Variants in ADGRG4 observed in about 807,000 individuals in gnomAD.
ADGRG4 encodes adhesion G protein-coupled receptor G4, also known as G protein-coupled receptor 112.
ADGRG4 carries 122 observed loss-of-function variants against 126.2 expected under a neutral mutation model. That is an observed-to-expected ratio of 0.97 (90% CI 0.83 to 1.12). The LOEUF (loss-of-function observed/expected upper bound fraction) is 1.12. Ranked by LOEUF, ADGRG4 falls within the 50% of genes most tolerant of loss-of-function variation. The pLI is 0.00. For missense variants in ADGRG4, 2,481 were observed against 2,251.8 expected, an observed-to-expected ratio of 1.10 and a Z score of -2.06; for synonymous variants, 943 against 838.7, an observed-to-expected ratio of 1.12 and a Z score of -2.15.
intron 5 of ADGRG4, among the ~76,000 whole-genome samples, chrX:136,334,038 T>G (rs1218187479): frequency 9.0e-6 from 1 of 111,289 alleles, no homozygotes; most frequent in African/African-American, 3.3e-5. Flanking sequence ...AGTCAATTTT[T>G]GCATAAGATG....
At position 136,342,921 on chromosome X, in the gene ADGRG4, T is replaced by TGTGTGAGA. The variant is rs1251871214; in HGVS notation, c.686-1470_686-1469insTGTGAGAG. Among the ~76,000 whole-genome samples the TGTGTGAGA allele has an allele frequency of 3.5e-3, 296 of 84,295 alleles. 1 individual carries two copies. The highest frequency in any genetic ancestry group is 0.013 in the African/African-American group (277 of 21,171). The allele number at this position is 84,295 out of a possible 115,157, so 73.2% of individuals were successfully genotyped here. A position where few individuals can be genotyped will look rare whatever the true frequency, so the allele number is the denominator to read the frequency against. On this transcript the variant is annotated intron_variant, in intron 5 of 25. Transcript: ENST00000394143. ...GTGTGTGTGTGTGTGTGTGTGTGTG[T>TGTGTGAGA]GAGAGAGAGAGAGGAAGGGGATCAG... is the stretch of plus-strand genomic sequence containing the variant.
At chrX:136,393,996 A>G (rs2075333717) in intron 18 of ADGRG4, among the ~76,000 whole-genome samples, 1 of 111,803 alleles carries the variant, frequency 8.9e-6, no homozygotes, top group African/African-American at 3.2e-5. Context: ...GAACTGTTTG[A>G]AGAAAGTTGA....
chrX:136,407,202 G>T (rs1053473848), intron 23 of ADGRG4, among the ~76,000 whole-genome samples: 13 of 110,293 alleles, frequency 1.2e-4, no homozygotes, highest in African/African-American at 4.3e-4. Context: ...CCATACTGAA[G>T]CCCACTGATG....
At chrX:136,390,299 G>T (rs1303465166) in intron 16 of ADGRG4, among the ~76,000 whole-genome samples, 1 of 111,529 alleles carries the variant, frequency 9.0e-6, no homozygotes, top group Non-Finnish European at 1.9e-5. Flanking sequence ...CCATCCTCCT[G>T]TCTCTGCCTC....
chrX:136,357,562 T>C (rs2075102061), intron 9 of ADGRG4, 142 bp from the exon 10 acceptor site: 1 of 441,548 alleles, frequency 2.3e-6, no homozygotes, highest in Admixed American at 3.6e-5. Flanking sequence ...TGCATTGATG[T>C]TTTTGAGGGT....
chrX:136,348,149 C>T lies in ADGRG4; in HGVS notation c.4443C>T (p.Leu1481=), dbSNP rs2075032447. 2.5e-6 allele frequency: 3 copies of T among 1,209,669 alleles called. No homozygotes were observed. Among genetic ancestry groups the T allele is most frequent in the African/African-American group, 3.5e-5 (2 of 57,674 alleles). The change falls in exon 6 of 26, where the codon CTC becomes CTT. Residue 1481 remains leucine (L), a synonymous_variant. Coordinates refer to ENST00000394143, the MANE Select transcript of ADGRG4 (RefSeq NM_153834.4). ...TATATAATGACGGTTTTACAGTTCT[C>T]TCCGACAGGATCACTACAGCCTTTT... ...AGLYNDGFTV[L]SDRITTAFSV...
At chrX:136,352,973 C>T (rs1290372516) in intron 7 of ADGRG4, among the ~76,000 whole-genome samples, 1 of 111,786 alleles carries the variant, frequency 8.9e-6, no homozygotes, top group Non-Finnish European at 1.9e-5. Flanking sequence ...TAACTGTGTC[C>T]TCACATGGAC....
chrX:136,324,121 A>G (rs1318920889), intron 5 of ADGRG4, among the ~76,000 whole-genome samples: 1 of 111,775 alleles, frequency 8.9e-6, no homozygotes, highest in East Asian at 2.8e-4. Flanking sequence ...ATTATTCATA[A>G]TAACTTTGAT....
chrX:136,385,822 T>G (rs985240673), intron 15 of ADGRG4, among the ~76,000 whole-genome samples: 1 of 112,158 alleles, frequency 8.9e-6, no homozygotes, highest in Admixed American at 9.5e-5. Context: ...TCTCAGTTAA[T>G]TCCTTTATTC....
chrX:136,322,910 C>A lies in ADGRG4; in HGVS notation c.203C>A (p.Ser68Ter). Reference sequence around the variant, plus strand: ...GATCTGGTATTCATGGATGACAACTCAAGGTATTGGATGGCCTTCTCTTAT... The same window carrying A: ...GATCTGGTATTCATGGATGACAACTAAAGGTATTGGATGGCCTTCTCTTAT... ...CIDLVFMDDN[S>*]RYWMAFSYIT... The change falls in exon 5 of 26, where the codon TCA (serine) becomes TAA (stop). Residue 68 changes from serine to a stop codon, truncating the protein, a stop_gained. Coordinates refer to ENST00000394143, the MANE Select transcript of ADGRG4 (RefSeq NM_153834.4). LOFTEE classifies it high-confidence loss of function. 8.3e-7 allele frequency: 1 copy of A among 1,211,620 alleles called. No individual in the cohort carries two copies. Among genetic ancestry groups the A allele is most frequent in the African/African-American group, 1.7e-5 (1 of 57,827 alleles).
chrX:136,340,643 G>A (rs1480001309), intron 5 of ADGRG4, among the ~76,000 whole-genome samples: 1 of 111,002 alleles, frequency 9.0e-6, no homozygotes, highest in Non-Finnish European at 1.9e-5. Flanking sequence ...TCCTCAGATT[G>A]GGGTGTTTCC....
chrX:136,352,431 T>G (rs768890429), intron 7 of ADGRG4, among the ~76,000 whole-genome samples: 1 of 110,276 alleles, frequency 9.1e-6, no homozygotes, highest in East Asian at 2.8e-4. Flanking sequence ...TTTGAGAGGT[T>G]GAGGCAAAAG....
At chrX:136,334,963 C>T (rs1326725027) in intron 5 of ADGRG4, among the ~76,000 whole-genome samples, 4 of 111,133 alleles carry the variant, frequency 3.6e-5, no homozygotes, top group Non-Finnish European at 7.6e-5. Context: ...TTGCCTTGTT[C>T]CTGATCTTAG....
chrX:136,378,071 GA>G (rs2075238839), intron 15 of ADGRG4, among the ~76,000 whole-genome samples: 1 of 110,871 alleles, frequency 9.0e-6, no homozygotes, highest in Non-Finnish European at 1.9e-5. Flanking sequence ...AATTTTGGGA[GA>G]ATTTATTTCT....
intron 20 of ADGRG4, among the ~76,000 whole-genome samples, chrX:136,398,826 A>G (rs1256194652): frequency 8.9e-6 from 1 of 112,266 alleles, no homozygotes; most frequent in African/African-American, 3.2e-5. Context: ...GATATGTACA[A>G]TAATATTTAT....
intron 22 of ADGRG4, among the ~76,000 whole-genome samples, chrX:136,404,137 A>C (rs1001827748): frequency 8.1e-5 from 9 of 111,778 alleles, no homozygotes; most frequent in African/African-American, 2.9e-4. Flanking sequence ...CTGAGATGAC[A>C]GTTTCCATGG....
chrX:136,308,668 A>G lies in ADGRG4; in HGVS notation c.-9-101A>G, dbSNP rs1353826341. The G allele has an allele frequency of 2.4e-5, 13 of 535,509 alleles. 1 individual carries two copies. Among genetic ancestry groups the G allele is most frequent in the Non-Finnish European group, 3.9e-5 (12 of 311,163 alleles). The allele number at this position is 535,509 out of a possible 1,213,427, so 44.1% of individuals were successfully genotyped here. On this transcript the variant is annotated intron_variant, in intron 3 of 25. Coordinates refer to ENST00000394143, the MANE Select transcript of ADGRG4 (RefSeq NM_153834.4). The stretch of plus-strand genomic sequence containing the variant: ...ACATGACTTTAAGCAATAGGAAAAA[A>G]CCCTTAGGTGGTATGCAAAGGAGAA...
intron 22 of ADGRG4, 131 bp downstream of exon 22, chrX:136,403,453 A>G: frequency 2.2e-6 from 1 of 459,003 alleles, no homozygotes; most frequent in Non-Finnish European, 3.7e-6. Context: ...CTTTTGCCCT[A>G]AACATAGGCC....
intron 20 of ADGRG4, 23 bp from the exon 21 acceptor site, chrX:136,399,822 TAAC>T: frequency 8.6e-7 from 1 of 1,160,521 alleles, no homozygotes; most frequent in Non-Finnish European, 1.2e-6. Flanking sequence ...AGACTTTACC[TAAC>T]AACATTGTAC....
Sources: allele counts gnomAD v4.1 joint callset (sites outside exome capture counted in the v4.1 genomes callset), GRCh38; gene constraint gnomAD v4.1.1; transcripts MANE v1.5; gene names NCBI Gene and HGNC (gene_info 2026-07-23, HGNC 2026-07-21).